The following SCFD1 variants were observed in gnomAD, a reference collection of about 807,000 sequenced individuals.
SCFD1 encodes sec1 family domain-containing protein 1.
SCFD1 carries 37 observed loss-of-function variants against 103.2 expected under a neutral mutation model. The observed-to-expected ratio is 0.36, with a 90% CI of 0.28 to 0.47. The LOEUF is 0.47. Ranked by LOEUF, SCFD1 falls within the 20% of genes least tolerant of loss-of-function variation. The pLI is 1.00. For missense variants in SCFD1, 639 were observed against 761.2 expected (o/e 0.84, Z 1.89); for synonymous variants, 264 against 245.0 (o/e 1.08, Z -0.73).
intron 23 of SCFD1, among the ~76,000 whole-genome samples, chr14:30,730,193 C>A (rs181847179): frequency 6.6e-6 from 1 of 152,124 alleles, no homozygotes; most frequent in Non-Finnish European, 1.5e-5. Context: ...TGAACTCATC[C>A]TTTTTTATGG....
Position 30,673,260 on chromosome 14 carries a change from A to C in SCFD1, c.999A>C (p.Pro333=). 4 of 1,581,192 alleles carry C rather than the reference A, an allele frequency of 2.5e-6. No homozygotes were observed. The highest frequency in any genetic ancestry group is 3.5e-6 in the Non-Finnish European group (4 of 1,158,362). ...TTCTTGTGCAATACTGTTTTAGTCCATTCCCAGAAGTTGCAGAATCAGTTC... is the reference window on the plus strand; with the variant it reads ...TTCTTGTGCAATACTGTTTTAGTCCCTTCCCAGAAGTTGCAGAATCAGTTC... ...DKFWQKHKGS[P]FPEVAESVQQ... is the part of the protein sequence containing the mutation. The change falls in exon 12 of 25, where the codon CCA becomes CCC. Residue 333 remains proline (P), a synonymous_variant. Transcript: ENST00000458591.
intron 23 of SCFD1, among the ~76,000 whole-genome samples, chr14:30,731,813 A>G (rs1893493307): frequency 6.6e-6 from 1 of 152,166 alleles, no homozygotes; most frequent in Admixed American, 6.5e-5. Context: ...GGACAATTTG[A>G]CTTCCTCTTT....
At chr14:30,722,448 A>T in intron 22 of SCFD1, 46 bp from the exon 23 acceptor site, 1 of 1,406,816 alleles carries the variant, frequency 7.1e-7, no homozygotes, top group East Asian at 2.3e-5. Context: ...AAGAGGTTTC[A>T]GACTAAAAAC....
intron 1 of SCFD1, among the ~76,000 whole-genome samples, chr14:30,623,817 G>A (rs967975275): frequency 5.3e-5 from 8 of 152,010 alleles, no homozygotes; most frequent in African/African-American, 1.9e-4. Flanking sequence ...ATTGAATTCT[G>A]CCTTATTTTC....
intron 10 of SCFD1, among the ~76,000 whole-genome samples, chr14:30,665,223 G>C (rs1004035851): frequency 1.3e-5 from 2 of 152,222 alleles, no homozygotes; most frequent in South Asian, 2.1e-4. Context: ...CAAGAAGAGA[G>C]TGGGGGGCAA....
At chr14:30,645,510 G>A (rs749996922) in intron 7 of SCFD1, among the ~76,000 whole-genome samples, 6 of 152,004 alleles carry the variant, frequency 3.9e-5, no homozygotes, top group Non-Finnish European at 7.4e-5. Context: ...ATTTCTTTTC[G>A]TTTCGTAATT....
chr14:30,732,513 G>A (rs1484648397), intron 23 of SCFD1, among the ~76,000 whole-genome samples: 1 of 151,898 alleles, frequency 6.6e-6, no homozygotes, highest in Non-Finnish European at 1.5e-5. Context: ...TAGTTTTTTT[G>A]TCCTGAATAA....
intron 1 of SCFD1, among the ~76,000 whole-genome samples, chr14:30,626,503 G>A (rs187131402): frequency 2.6e-5 from 4 of 152,242 alleles, no homozygotes; most frequent in South Asian, 2.1e-4. Flanking sequence ...TCAAGGCCCC[G>A]AGTTTTGGGT....
chr14:30,705,961 T>C lies in SCFD1; in HGVS notation c.1553+76T>C, dbSNP rs1891440640. On this transcript the variant is annotated intron_variant, in intron 18 of 24. Transcript: ENST00000458591. Reference sequence around the variant, plus strand: ...AGACTTTCATGCCTTAAAAACACAATGTCTGATACTTTGAATGCGGAAAAT... The same window carrying C: ...AGACTTTCATGCCTTAAAAACACAACGTCTGATACTTTGAATGCGGAAAAT... 12 of 1,131,704 alleles carry C rather than the reference T, an allele frequency of 1.1e-5. No individual in the cohort carries two copies. In the South Asian group the frequency reaches 1.3e-4, roughly 13 times the overall value. 70.1% of individuals were successfully genotyped at this position (1,131,704 alleles called of 1,614,324 possible).
intron 14 of SCFD1, chr14:30,683,165 T>A (rs1889629775): frequency 3.6e-6 from 4 of 1,110,534 alleles, no homozygotes; most frequent in Non-Finnish European, 5.4e-6. Flanking sequence ...TGTTGGGTTC[T>A]CCTAGTAGGC....
At chr14:30,649,441 ATC>A (rs910167528) in intron 7 of SCFD1, 85 bp from the exon 8 acceptor site, 23 of 784,134 alleles carry the variant, frequency 2.9e-5, no homozygotes, top group Non-Finnish European at 4.2e-5. Context: ...TATCTATCAC[ATC>A]TGTTATTTTT....
intron 10 of SCFD1, among the ~76,000 whole-genome samples, chr14:30,668,930 G>A (rs1888276707): frequency 6.6e-6 from 1 of 152,160 alleles, no homozygotes; most frequent in Admixed American, 6.5e-5. Flanking sequence ...TGGAGAAATA[G>A]GAACGCTTTT....
chr14:30,677,465 G>A (rs1459865681), intron 14 of SCFD1, among the ~76,000 whole-genome samples: 1 of 152,132 alleles, frequency 6.6e-6, no homozygotes, highest in Non-Finnish European at 1.5e-5. Flanking sequence ...ACTACTCCTA[G>A]TTGGGTCATT....
chr14:30,665,289 A>G (rs550188126), intron 10 of SCFD1, among the ~76,000 whole-genome samples: 2 of 152,326 alleles, frequency 1.3e-5, no homozygotes, highest in African/African-American at 4.8e-5. Flanking sequence ...ATACAGCCAA[A>G]CTAAGCTTCA....
chr14:30,627,856 TAAAAAAAAAA>T (rs59421697), intron 1 of SCFD1, among the ~76,000 whole-genome samples: 1 of 116,358 alleles, frequency 8.6e-6, no homozygotes, highest in Middle Eastern at 4.1e-3. Context: ...CACTCAGACT[TAAAAAAAAAA>T]AAAAAAAAGA....
At chr14:30,622,542 T>TG (rs1207924693) in intron 1 of SCFD1, 143 bp downstream of exon 1, 1 of 1,379,178 alleles carries the variant, frequency 7.3e-7, no homozygotes, top group Non-Finnish European at 9.5e-7. Context: ...TTTGAGTTTT[T>TG]GGGGAGAAGT....
intron 21 of SCFD1, among the ~76,000 whole-genome samples, chr14:30,720,238 TG>T (rs1698355067): frequency 6.6e-6 from 1 of 152,142 alleles, no homozygotes; most frequent in South Asian, 2.1e-4. Context: ...TAGCAGCTGC[TG>T]TTGGCAAGAG....
intron 5 of SCFD1, among the ~76,000 whole-genome samples, chr14:30,638,857 T>C (rs1351672757): frequency 6.6e-6 from 1 of 152,196 alleles, no homozygotes; most frequent in African/African-American, 2.4e-5. Flanking sequence ...GGACAAGATA[T>C]GCATTAAAGT....
chr14:30,659,617 G>T (rs1887250052), intron 10 of SCFD1, among the ~76,000 whole-genome samples: 1 of 152,118 alleles, frequency 6.6e-6, no homozygotes, highest in Non-Finnish European at 1.5e-5. Flanking sequence ...TGAGTCCTAG[G>T]GTTGTAAACA....
Sources: allele counts gnomAD v4.1 joint callset (sites outside exome capture counted in the v4.1 genomes callset), GRCh38; gene constraint gnomAD v4.1.1; transcripts MANE v1.5; gene names NCBI Gene and HGNC (gene_info 2026-07-23, HGNC 2026-07-21).